The following KLHL1 variants were observed in gnomAD, a reference collection of about 807,000 sequenced individuals.
KLHL1 encodes kelch-like protein 1.
Under a neutral mutation model 77.7 loss-of-function variants are expected in KLHL1, and 47 were observed. That is an observed-to-expected ratio of 0.60 (90% CI 0.48 to 0.77). The LOEUF is 0.77. KLHL1 is among the 30% of genes least tolerant of loss of function. The probability of loss-of-function intolerance (pLI) is 0.00; values close to 1 mark genes in which losing one functional copy is unlikely to be tolerated. For missense variants in KLHL1, 925 were observed against 910.8 expected, an observed-to-expected ratio of 1.02 and a Z score of -0.20; for synonymous variants, 360 against 325.2, an observed-to-expected ratio of 1.11 and a Z score of -1.15.
At chr13:69,861,503 C>G (rs1880157427) in intron 5 of KLHL1, among the ~76,000 whole-genome samples, 1 of 151,968 alleles carries the variant, frequency 6.6e-6, no homozygotes, top group African/African-American at 2.4e-5. Flanking sequence ...AAAATAACAT[C>G]AGTGACTTCC....
chr13:69,825,255 G>A (rs1243913376), intron 6 of KLHL1, among the ~76,000 whole-genome samples: 4 of 152,140 alleles, frequency 2.6e-5, no homozygotes, highest in Non-Finnish European at 4.4e-5. Context: ...AAAGCAGGGT[G>A]AGATAAGCAG....
In KLHL1 at chr13:70,083,418, C is replaced by G. The variant is rs577021298; in HGVS notation, c.497+23785G>C. On this transcript the variant is annotated intron_variant, in intron 1 of 10. Transcript: ENST00000377844. Reference sequence around the variant, plus strand: ...CTCCTGGTCTCAAGCAATCCTCCCACCTTAGCTGAATAGCCAGGACTGCAA... The same window carrying G: ...CTCCTGGTCTCAAGCAATCCTCCCAGCTTAGCTGAATAGCCAGGACTGCAA... Among the ~76,000 whole-genome samples, 292 of 152,238 alleles carry G rather than the reference C, an allele frequency of 1.9e-3. 2 individuals are homozygous for G. The highest frequency in any genetic ancestry group is 6.8e-3 in the African/African-American group (284 of 41,546).
chr13:70,039,984 ACT>A (rs1229443968), intron 1 of KLHL1, among the ~76,000 whole-genome samples: 1 of 151,788 alleles, frequency 6.6e-6, no homozygotes, highest in African/African-American at 2.4e-5. Context: ...TCTTTCTGTA[ACT>A]CTCTTTTAGT....
intron 2 of KLHL1, among the ~76,000 whole-genome samples, chr13:69,967,320 G>A (rs374549805): frequency 4.3e-4 from 65 of 152,196 alleles, no homozygotes; most frequent in African/African-American, 1.5e-3. Context: ...AACTAGTTTG[G>A]AAAAAGAGAA....
chr13:69,965,201 A>T (rs1450861765), intron 2 of KLHL1, among the ~76,000 whole-genome samples: 1 of 152,244 alleles, frequency 6.6e-6, no homozygotes, highest in African/African-American at 2.4e-5. Context: ...TTTTAAAAAT[A>T]ATTGAAGGCT....
At chr13:70,041,195 T>G (rs1482026047) in intron 1 of KLHL1, among the ~76,000 whole-genome samples, 1 of 152,180 alleles carries the variant, frequency 6.6e-6, no homozygotes, top group Admixed American at 6.5e-5. Flanking sequence ...AATAACTGTT[T>G]TAGAATTTAA....
chr13:69,930,189 C>A (rs1882954367), intron 4 of KLHL1, among the ~76,000 whole-genome samples: 1 of 151,754 alleles, frequency 6.6e-6, no homozygotes, highest in Admixed American at 6.6e-5. Context: ...TTTCTGCCTT[C>A]ATGAGATAAA....
chr13:69,874,252 C>A (rs2138181255), intron 5 of KLHL1, among the ~76,000 whole-genome samples: 1 of 152,238 alleles, frequency 6.6e-6, no homozygotes, highest in Middle Eastern at 3.4e-3. Context: ...TTCTAGTCTC[C>A]AGAATCAGTT....
chr13:70,016,836 G>GA (rs1885671625), intron 1 of KLHL1, among the ~76,000 whole-genome samples: 1 of 152,000 alleles, frequency 6.6e-6, no homozygotes, highest in Non-Finnish European at 1.5e-5. Context: ...ACTTATGGTG[G>GA]TTTTTCCAGG....
Position 69,760,071 on chromosome 13 carries a change from A to G in KLHL1, c.1640-19515T>C, listed in dbSNP as rs541203769. 1.1e-4 allele frequency among the ~76,000 whole-genome samples: 16 copies of G among 152,288 alleles called. No homozygotes were observed. In the South Asian group the frequency reaches 3.3e-3, roughly 32 times the overall value. Reference sequence around the variant, plus strand: ...AAAAGGTTTTTAAATAGTCTGGTAAATGTCAAAAACGTAAATTTTGAATAC... The same window carrying G: ...AAAAGGTTTTTAAATAGTCTGGTAAGTGTCAAAAACGTAAATTTTGAATAC... On this transcript the variant is annotated intron_variant, in intron 7 of 10. Transcript: ENST00000377844.
intron 1 of KLHL1, among the ~76,000 whole-genome samples, chr13:70,011,461 G>A (rs77937779): frequency 2.5e-4 from 38 of 152,158 alleles, no homozygotes; most frequent in East Asian, 9.6e-4. Context: ...TTTGTTTGCC[G>A]TAGATAATAA....
intron 1 of KLHL1, among the ~76,000 whole-genome samples, chr13:69,981,840 A>T (rs1238297457): frequency 6.6e-6 from 1 of 152,066 alleles, no homozygotes; most frequent in Non-Finnish European, 1.5e-5. Context: ...AAACCAAAAG[A>T]ATGCAAATGT....
At position 69,736,401 on chromosome 13, in the gene KLHL1, C is replaced by G. The variant is rs148676095; in HGVS notation, c.1802+3993G>C. On this transcript the variant is annotated intron_variant, in intron 8 of 10. Transcript: ENST00000377844. Reference sequence around the variant, plus strand: ...AAGATTTAAAAAAAACAGATTTTGGCATGGATGTGGTGAAAAGGGAACACC... The same window carrying G: ...AAGATTTAAAAAAAACAGATTTTGGGATGGATGTGGTGAAAAGGGAACACC... Among the ~76,000 whole-genome samples the G allele has an allele frequency of 1.7e-4, 26 of 152,116 alleles. No homozygotes were observed. In the East Asian group the frequency reaches 4.8e-3, roughly 28 times the overall value.
At chr13:69,995,219 A>C (rs191643167) in intron 1 of KLHL1, among the ~76,000 whole-genome samples, 1 of 152,242 alleles carries the variant, frequency 6.6e-6, no homozygotes, top group East Asian at 1.9e-4. Context: ...ATTATTTACT[A>C]TCTGGTATTT....
chr13:69,989,152 G>C (rs1566477071), intron 1 of KLHL1, among the ~76,000 whole-genome samples: 1 of 151,954 alleles, frequency 6.6e-6, no homozygotes, highest in Non-Finnish European at 1.5e-5. Flanking sequence ...TGTAAGGAAG[G>C]GGTCCAGTAT....
chr13:69,820,082 T>G (rs1449245158), intron 6 of KLHL1, among the ~76,000 whole-genome samples: 1 of 152,204 alleles, frequency 6.6e-6, no homozygotes, highest in East Asian at 1.9e-4. Flanking sequence ...CTTCATGGGC[T>G]TGTATCTATT....
chr13:70,096,707 C>CT (rs545195270), intron 1 of KLHL1, among the ~76,000 whole-genome samples: 9 of 150,920 alleles, frequency 6.0e-5, no homozygotes, highest in African/African-American at 1.9e-4. Context: ...GTCATTTTCT[C>CT]TTTTTTTCTT....
At chr13:70,003,049 A>G (rs1466756326) in intron 1 of KLHL1, among the ~76,000 whole-genome samples, 1 of 151,728 alleles carries the variant, frequency 6.6e-6, no homozygotes, top group Non-Finnish European at 1.5e-5. Flanking sequence ...AAAAATTAAC[A>G]ATTAAAAGAC....
intron 1 of KLHL1, among the ~76,000 whole-genome samples, chr13:70,002,427 AT>A (rs1361279201): frequency 1.3e-5 from 2 of 151,632 alleles, no homozygotes; most frequent in Admixed American, 6.6e-5. Flanking sequence ...GAGAAAAAAA[AT>A]TTTTTTAAAT....
Sources: gnomAD v4.1 joint callset for allele counts (sites outside exome capture counted in the v4.1 genomes callset) on GRCh38, gnomAD v4.1.1 for gene constraint, MANE v1.5 for transcripts, NCBI Gene and HGNC (gene_info 2026-07-23, HGNC 2026-07-21) for gene names.